COL6A6: variants seen among roughly 807,000 people sequenced by gnomAD.
The protein encoded by COL6A6 is collagen alpha-6(VI) chain.
In COL6A6, 183 loss-of-function variants were observed where a neutral mutation model predicts 208.6. That is an observed-to-expected ratio of 0.88 (90% CI 0.78 to 0.99). The LOEUF is 0.99. Among genes scored for constraint, COL6A6 ranks in the 50% least tolerant of loss-of-function variants. The probability of loss-of-function intolerance (pLI) is 0.00; values close to 1 mark genes in which losing one functional copy is unlikely to be tolerated. For missense variants in COL6A6, 2,816 were observed against 2,815.2 expected, an observed-to-expected ratio of 1.00 and a Z score of -0.01; for synonymous variants, 973 against 1,011.8, an observed-to-expected ratio of 0.96 and a Z score of 0.73.
intron 1 of COL6A6, among the ~76,000 whole-genome samples, chr3:130,518,610 G>A (rs1307057911): frequency 1.3e-5 from 2 of 152,180 alleles, no homozygotes; most frequent in African/African-American, 4.8e-5. Flanking sequence ...GGGTTCAAGC[G>A]ATTCTCCTGC....
chr3:130,552,208 A>G (rs926238026), intron 1 of COL6A6, among the ~76,000 whole-genome samples: 16 of 152,274 alleles, frequency 1.1e-4, no homozygotes, highest in East Asian at 1.9e-4. Context: ...TTCTGCTTCA[A>G]TGATCTGTCT....
rs149670765 is a variant in COL6A6 at position 130,565,746 on chromosome 3, C to G, written c.1282+132C>G. 437 of 1,130,780 alleles carry G rather than the reference C, an allele frequency of 3.9e-4. 2 individuals are homozygous for G. In the African/African-American group the frequency reaches 6.0e-3, roughly 16 times the overall value. 70.0% of individuals were successfully genotyped at this position (1,130,780 alleles called of 1,614,324 possible). A position where few individuals can be genotyped will look rare whatever the true frequency, so the allele number is the denominator to read the frequency against. ...TAAGTTCCTAATTCTTTTACTTGAG[C>G]TTGAAAATATGAAGCCTAATTTGGG... On this transcript the variant is annotated intron_variant, in intron 4 of 36. Transcript: ENST00000358511.
chr3:130,547,166 G>A (rs919367833), intron 1 of COL6A6, among the ~76,000 whole-genome samples: 1 of 152,270 alleles, frequency 6.6e-6, no homozygotes, highest in Non-Finnish European at 1.5e-5. Flanking sequence ...CTGCGGAGGG[G>A]CTCGGGCATG....
At chr3:130,564,946 T>C (rs2062978801) in intron 3 of COL6A6, 48 bp from the exon 4 acceptor site, 2 of 1,586,500 alleles carry the variant, frequency 1.3e-6, no homozygotes, top group African/African-American at 1.3e-5. Flanking sequence ...TCACCAAAGA[T>C]GCTGAACCAC....
intron 1 of COL6A6, among the ~76,000 whole-genome samples, chr3:130,527,490 G>C (rs2061985064): frequency 6.6e-6 from 1 of 152,234 alleles, no homozygotes; most frequent in African/African-American, 2.4e-5. Context: ...AAGAAAATCA[G>C]TGGAGGCAAG....
chr3:130,669,825 TAAGTG>T (rs137882753), intron 36 of COL6A6, among the ~76,000 whole-genome samples: 29,663 of 152,030 alleles, frequency 0.2, 3,078 homozygotes, highest in South Asian at 0.35. Flanking sequence ...AAATTAGAAA[TAAGTG>T]AAATCAAATG....
At chr3:130,647,717 C>T (rs551847719) in intron 32 of COL6A6, among the ~76,000 whole-genome samples, 6 of 152,316 alleles carry the variant, frequency 3.9e-5, no homozygotes, top group African/African-American at 1.4e-4. Context: ...ACGTGAGCCC[C>T]AGCAAGTCTG....
intron 20 of COL6A6, among the ~76,000 whole-genome samples, chr3:130,604,488 C>T (rs1157587777): frequency 1.4e-5 from 2 of 146,306 alleles, no homozygotes; most frequent in African/African-American, 5.2e-5. Context: ...GAGCGAGACT[C>T]CGTCTCAAAA....
At position 130,578,142 on chromosome 3, in the gene COL6A6, A is replaced by G. The variant is rs754621491; in HGVS notation, c.3548-3419A>G. On this transcript the variant is annotated intron_variant, in intron 8 of 36. Transcript: ENST00000358511. ...CCTGTTTTTTTAGCATGGAGCCATGATTAGGTAGCAGAGAATCAGGAGCAT... is the reference window on the plus strand; with the variant it reads ...CCTGTTTTTTTAGCATGGAGCCATGGTTAGGTAGCAGAGAATCAGGAGCAT... Among the ~76,000 whole-genome samples, 12 of 152,212 alleles carry G rather than the reference A, an allele frequency of 7.9e-5. No individual in the cohort carries two copies. In the Middle Eastern group the frequency reaches 0.01, roughly 129 times the overall value.
intron 1 of COL6A6, among the ~76,000 whole-genome samples, 184 bp downstream of exon 1, chr3:130,517,581 A>G (rs1671768147): frequency 6.6e-6 from 1 of 152,246 alleles, no homozygotes; most frequent in African/African-American, 2.4e-5. Context: ...CCTCCAAACA[A>G]GAGTAACTGC....
At chr3:130,539,136 C>G (rs1577639361) in intron 1 of COL6A6, among the ~76,000 whole-genome samples, 2 of 152,112 alleles carry the variant, frequency 1.3e-5, no homozygotes, top group East Asian at 3.9e-4. Flanking sequence ...TTGAGGTGCC[C>G]CCTGTGGGAA....
chr3:130,648,212 C>A (rs1306209711), intron 32 of COL6A6, among the ~76,000 whole-genome samples: 5 of 152,180 alleles, frequency 3.3e-5, no homozygotes, highest in Admixed American at 3.3e-4. Context: ...AGTAATAAGG[C>A]ATATTTATTG....
chr3:130,584,756 A>C (rs2063498868), intron 10 of COL6A6, among the ~76,000 whole-genome samples: 1 of 152,032 alleles, frequency 6.6e-6, no homozygotes, highest in Non-Finnish European at 1.5e-5. Flanking sequence ...CTGGGACTAC[A>C]GGCGCCTGCC....
At chr3:130,620,707 C>T (rs2064689559) in intron 23 of COL6A6, among the ~76,000 whole-genome samples, 1 of 151,990 alleles carries the variant, frequency 6.6e-6, no homozygotes, top group African/African-American at 2.4e-5. Context: ...TTTTTATGTC[C>T]AATGTATTGC....
chr3:130,669,781 T>G (rs1476115670), intron 36 of COL6A6, among the ~76,000 whole-genome samples: 1 of 152,210 alleles, frequency 6.6e-6, no homozygotes, highest in Non-Finnish European at 1.5e-5. Context: ...GCATATATAT[T>G]GTATCTTTAG....
At chr3:130,540,007 A>G (rs1245593931) in intron 1 of COL6A6, among the ~76,000 whole-genome samples, 1 of 152,196 alleles carries the variant, frequency 6.6e-6, no homozygotes, top group African/African-American at 2.4e-5. Flanking sequence ...TCCTTGCAAG[A>G]GGTTCTATTT....
chr3:130,581,102 T>A (rs1427832630), intron 8 of COL6A6, among the ~76,000 whole-genome samples: 1 of 152,058 alleles, frequency 6.6e-6, no homozygotes, highest in Non-Finnish European at 1.5e-5. Context: ...ATTCCTTAGA[T>A]GAGTCCTTTG....
At chr3:130,531,852 A>C (rs529992161) in intron 1 of COL6A6, among the ~76,000 whole-genome samples, 2 of 152,226 alleles carry the variant, frequency 1.3e-5, no homozygotes, top group Non-Finnish European at 2.9e-5. Context: ...AGTCTACCTC[A>C]TAGAGTGGTT....
intron 1 of COL6A6, among the ~76,000 whole-genome samples, chr3:130,544,779 T>A (rs1013220961): frequency 2.6e-5 from 4 of 152,248 alleles, no homozygotes; most frequent in African/African-American, 9.6e-5. Context: ...ATTTCCCTGA[T>A]TAGTGATGTT....
Sources: gnomAD v4.1 joint callset for allele counts (sites outside exome capture counted in the v4.1 genomes callset) on GRCh38, gnomAD v4.1.1 for gene constraint, MANE v1.5 for transcripts, NCBI Gene and HGNC (gene_info 2026-07-23, HGNC 2026-07-21) for gene names.